The following BRF1 variants were observed in gnomAD, a reference collection of about 807,000 sequenced individuals.
BRF1 encodes transcription factor IIIB 90 kDa subunit.
In BRF1, 59 loss-of-function variants were observed where a neutral mutation model predicts 81.7. The observed-to-expected ratio is 0.72, with a 90% CI of 0.59 to 0.90. The LOEUF (loss-of-function observed/expected upper bound fraction) is 0.90, where lower values mean the gene tolerates loss of function less well. Ranked by LOEUF, BRF1 falls within the 40% of genes least tolerant of loss-of-function variation. BRF1 has a pLI of 0.00. For synonymous variants in BRF1, 491 were observed against 395.6 expected (o/e 1.24, Z -2.86); for missense variants, 1,050 against 936.3 (o/e 1.12, Z -1.58).
In BRF1 at chr14:105,228,828, C is replaced by G; in HGVS notation, c.780G>C (p.Leu260=). The G allele has an allele frequency of 6.2e-7, 1 of 1,613,938 alleles. No homozygotes were observed. Among genetic ancestry groups the G allele is most frequent in the Non-Finnish European group, 8.5e-7 (1 of 1,180,010 alleles). The change falls in exon 7 of 18, where the codon CTG becomes CTC. Residue 260 remains leucine (L), a synonymous_variant. Coordinates refer to ENST00000547530, the MANE Select transcript of BRF1 (RefSeq NM_001519.4). Reference sequence around the variant, plus strand: ...GAATGAGAGCCCCTCACCTCTTCCGCAGCGTGGACTCACACACTTTGACCA... The same window carrying G: ...GAATGAGAGCCCCTCACCTCTTCCGGAGCGTGGACTCACACACTTTGACCA... ...ISVVKVCEST[L]RKRLTEFEDT...
chr14:105,299,080 G>T (rs112614447), intron 1 of BRF1, among the ~76,000 whole-genome samples: 4,937 of 150,444 alleles, frequency 0.033, 142 homozygotes, highest in African/African-American at 0.076. Context: ...GGCTGAGGCA[G>T]GAGAATGGCG....
chr14:105,259,161 C>T (rs2056034970), intron 3 of BRF1, among the ~76,000 whole-genome samples: 2 of 151,970 alleles, frequency 1.3e-5, no homozygotes, highest in African/African-American at 4.8e-5. Flanking sequence ...AAACAGATGT[C>T]AGCCAGGTGC....
chr14:105,255,644 G>T (rs1473672), intron 4 of BRF1, among the ~76,000 whole-genome samples: 37,996 of 152,098 alleles, frequency 0.25, 4,999 homozygotes, highest in South Asian at 0.28. Context: ...CCCCAGCACC[G>T]TCCCTGCAGA....
At chr14:105,229,385 C>A (rs1421694704) in intron 6 of BRF1, among the ~76,000 whole-genome samples, 1 of 152,220 alleles carries the variant, frequency 6.6e-6, no homozygotes. Context: ...AACGGCTTCT[C>A]AGGTGGACTG....
At chr14:105,213,811 G>C (rs75690343) in intron 15 of BRF1, among the ~76,000 whole-genome samples, 1 of 152,182 alleles carries the variant, frequency 6.6e-6, no homozygotes, top group Admixed American at 6.5e-5. Flanking sequence ...GAGAGGGTGC[G>C]TAGTGTTCAT....
rs754661662 is a variant in BRF1, at chr14:105,211,171, C to A, written c.1947G>T (p.Glu649Asp). ...CACTGACGCAGGGCTCCCCGTCCTC[C>A]TCGTCAGGCTCCTCCTCGTCAGCCT... ...DEEADEEEPDEEDGEPCVSAL... is the reference protein window; with the variant it reads ...DEEADEEEPDDEDGEPCVSAL... The change falls in exon 17 of 18, where the codon GAG (glutamate) becomes GAT (aspartate). Residue 649 changes from glutamate (E) to aspartate (D), a missense_variant. Physicochemically the swap from Glu to Asp is conservative, Grantham distance 45. Transcript: ENST00000547530. 4.3e-6 allele frequency: 7 copies of A among 1,612,490 alleles called. No homozygotes were observed. The highest frequency in any genetic ancestry group is 1.7e-4 in the Middle Eastern group (1 of 6,040).
At chr14:105,249,018 C>T in intron 5 of BRF1, 1 of 1,138,340 alleles carries the variant, frequency 8.8e-7, no homozygotes, top group East Asian at 4.4e-5. Context: ...GCCCGCGCCG[C>T]CCACACTCGG....
rs587641938 is a variant in BRF1 at position 105,269,760 on chromosome 14, C to T, written c.439+2961G>A. Among the ~76,000 whole-genome samples, 6 of 152,294 alleles carry T rather than the reference C, an allele frequency of 3.9e-5. No individual in the cohort carries two copies. Among genetic ancestry groups the T allele is most frequent in the Admixed American group, 1.3e-4 (2 of 15,302 alleles). On this transcript the variant is annotated intron_variant, in intron 3 of 17. Coordinates refer to ENST00000547530, the MANE Select transcript of BRF1 (RefSeq NM_001519.4). This position sits in a 1 kb window ranked among gnomAD's most constrained non-coding sequence, Gnocchi z 5.0. ...CATGTCCCAGGGCATCTGTCCCCCC[C>T]ACAGGAGGCCCAGTGAGGCAGCAGC... is the stretch of plus-strand genomic sequence containing the variant.
Position 105,217,732 on chromosome 14 carries a change from C to G in BRF1, c.1584G>C (p.Met528Ile). Residue 528 changes from methionine (M) to isoleucine (I), a missense_variant, in exon 15 of 18, where the codon ATG (methionine) becomes ATC (isoleucine). By Grantham distance (10) the Met-to-Ile change is conservative. This residue lies in a region of BRF1 where 1,043 missense variants were observed against 915.4 expected (regional missense o/e 1.14). Transcript: ENST00000547530. ...ASTAREAIEK[M>I]LEQKKISSKI... The stretch of plus-strand genomic sequence containing the variant: ...TGCTGGAGATCTTCTTCTGCTCCAG[C>G]ATCTTCTCGATGGCCTCCCTGGCGG... 6.2e-7 allele frequency: 1 copy of G among 1,613,508 alleles called. No homozygotes were observed. Among genetic ancestry groups the G allele is most frequent in the Non-Finnish European group, 8.5e-7 (1 of 1,180,028 alleles).
At chr14:105,310,803 C>T (rs587602226) in intron 1 of BRF1, among the ~76,000 whole-genome samples, 6 of 152,310 alleles carry the variant, frequency 3.9e-5, no homozygotes, top group African/African-American at 1.4e-4. Context: ...GAAACCAAAT[C>T]AATGGAATCC....
chr14:105,228,607 C>G (rs777879115), intron 7 of BRF1, among the ~76,000 whole-genome samples: 2 of 151,962 alleles, frequency 1.3e-5, no homozygotes, highest in Non-Finnish European at 2.9e-5. Context: ...GGGCCGGCCC[C>G]AGAAGGACTA....
At chr14:105,273,322 T>C (rs2056740708) in intron 2 of BRF1, among the ~76,000 whole-genome samples, 1 of 152,176 alleles carries the variant, frequency 6.6e-6, no homozygotes, top group African/African-American at 2.4e-5. Context: ...GCACAGAGTC[T>C]GGGTCAGCCC....
intron 1 of BRF1, among the ~76,000 whole-genome samples, chr14:105,313,907 C>T (rs918585072): frequency 6.6e-6 from 1 of 152,262 alleles, no homozygotes. Context: ...CTAGCCATTG[C>T]CTCCTCTTTG....
chr14:105,212,056 G>C (rs770264603), intron 16 of BRF1, 57 bp downstream of exon 16: 1 of 1,595,042 alleles, frequency 6.3e-7, no homozygotes, highest in Non-Finnish European at 8.5e-7. Context: ...TCTGGGCCCA[G>C]GAAGAAGTGG....
chr14:105,314,079 A>G (rs1305983231), intron 1 of BRF1, among the ~76,000 whole-genome samples: 1 of 152,250 alleles, frequency 6.6e-6, no homozygotes, highest in Non-Finnish European at 1.5e-5. Context: ...CTGGAGGCTA[A>G]GCTCGGCAGC....
upstream of BRF1, among the ~76,000 whole-genome samples, chr14:105,304,844 C>T (rs753107569): frequency 7.2e-5 from 11 of 152,186 alleles, no homozygotes; most frequent in Non-Finnish European, 1.6e-4. Flanking sequence ...CGTCAGATCT[C>T]GTGAGACTTA....
At position 105,210,409 on chromosome 14, in the gene BRF1, G is replaced by T. The variant is rs587599546; in HGVS notation, c.*142C>A. On this transcript the variant is annotated 3_prime_UTR_variant, in exon 18 of 18. Coordinates refer to ENST00000547530, the MANE Select transcript of BRF1 (RefSeq NM_001519.4). The surrounding 1 kb of genome is among the most constrained non-coding windows in gnomAD (Gnocchi z 4.7). ...AATCCCAATGGTAAGTTCCACATGG[G>T]ACGAGGGCTGTGGGACAGGTGCCAC... is the stretch of plus-strand genomic sequence containing the variant. 2.4e-6 allele frequency: 2 copies of T among 841,370 alleles called. No homozygotes were observed. The highest frequency in any genetic ancestry group is 1.6e-5 in the South Asian group (1 of 62,026). 52.1% of individuals were successfully genotyped at this position (841,370 alleles called of 1,614,324 possible). A position where few individuals can be genotyped will look rare whatever the true frequency, so the allele number is the denominator to read the frequency against.
chr14:105,253,577 G>GT (rs2055723240), intron 4 of BRF1, among the ~76,000 whole-genome samples: 1 of 152,232 alleles, frequency 6.6e-6, no homozygotes, highest in African/African-American at 2.4e-5. Flanking sequence ...AGACCTAAGG[G>GT]ACCGCACACA....
rs750662507 is a variant in BRF1 at position 105,228,898 on chromosome 14, G to C, written c.710C>G (p.Ala237Gly). The C allele has an allele frequency of 1.2e-6, 2 of 1,613,616 alleles. No homozygotes were observed. The highest frequency in any genetic ancestry group is 1.1e-5 in the South Asian group (1 of 91,084). ...GLCGAALLVAARMHDFRRTVK... is the reference protein window; with the variant it reads ...GLCGAALLVAGRMHDFRRTVK... ...AGTCCTCCTGAAGTCATGCATTCTG[G>C]CTGCAACCAGGAGCGCTGGAAGGCA... The change falls in exon 7 of 18, where the codon GCC becomes GGC. Residue 237 changes from alanine to glycine, a missense_variant. Physicochemically the swap from Ala to Gly is moderately conservative, Grantham distance 60. Coordinates refer to ENST00000547530, the MANE Select transcript of BRF1 (RefSeq NM_001519.4).
Sources: allele counts gnomAD v4.1 joint callset (sites outside exome capture counted in the v4.1 genomes callset), GRCh38; gene constraint gnomAD v4.1.1; regional missense constraint gnomAD v4.1.1; non-coding constraint Gnocchi (gnomAD v3.1); transcripts MANE v1.5; gene names NCBI Gene and HGNC (gene_info 2026-07-23, HGNC 2026-07-21).